The following FBXO10 variants were observed in gnomAD, a reference collection of about 807,000 sequenced individuals.
The protein encoded by FBXO10 is F-box protein 10.
FBXO10 carries 39 observed loss-of-function variants against 80.7 expected under a neutral mutation model. That is an observed-to-expected ratio of 0.48 (90% CI 0.37 to 0.63). FBXO10 has a LOEUF of 0.63. Ranked by LOEUF, FBXO10 falls within the 30% of genes least tolerant of loss-of-function variation. FBXO10 has a pLI of 0.00. For missense variants in FBXO10, 1,025 were observed against 1,269.0 expected (o/e 0.81, Z 2.92); for synonymous variants, 449 against 489.6 (o/e 0.92, Z 1.09).
chr9:37,574,302 G>C (rs1378457040), intron 1 of FBXO10, among the ~76,000 whole-genome samples: 1 of 152,204 alleles, frequency 6.6e-6, no homozygotes, highest in Non-Finnish European at 1.5e-5. Context: ...GGAAGGAAGG[G>C]ATAGTGTAAC....
chr9:37,571,608 T>G (rs1822757450), intron 1 of FBXO10, among the ~76,000 whole-genome samples: 1 of 151,208 alleles, frequency 6.6e-6, no homozygotes, highest in African/African-American at 2.4e-5. Context: ...CTCCTCTTCC[T>G]GAGGGCTTCT....
rs941494624 is a variant in FBXO10 at position 37,518,174 on chromosome 9, A to G, written c.2465T>C (p.Ile822Thr). The G allele has an allele frequency of 3.8e-5, 61 of 1,613,922 alleles. No homozygotes were observed. The highest frequency in any genetic ancestry group is 1.6e-4 in the Middle Eastern group (1 of 6,084). Residue 822 changes from isoleucine (I) to threonine (T), a missense_variant, in exon 9 of 11, where the codon ATT becomes ACT. By Grantham distance (89) the Ile-to-Thr change is moderately conservative. This residue lies in a region of FBXO10 where 478 missense variants were observed against 667.8 expected (regional missense o/e 0.72). Transcript: ENST00000432825. ...DSTIVIENDIIGNRGSGLQLL... is the reference protein window; with the variant it reads ...DSTIVIENDITGNRGSGLQLL... ...CTGCAGCCCGCTGCCCCGGTTGCCA[A>G]TGATATCGTTTTCAATGACGATGGT...
At chr9:37,516,404 C>A (rs959411705) in intron 9 of FBXO10, among the ~76,000 whole-genome samples, 2 of 152,200 alleles carry the variant, frequency 1.3e-5, no homozygotes, top group Non-Finnish European at 1.5e-5. Flanking sequence ...GGCAACCCAA[C>A]TGAGACGAAA....
chr9:37,545,923 G>A (rs139633087), intron 1 of FBXO10, among the ~76,000 whole-genome samples: 3,887 of 152,208 alleles, frequency 0.026, 70 homozygotes, highest in Middle Eastern at 0.071. Flanking sequence ...GAGGTGGGTG[G>A]ATCACTTGAA....
intron 3 of FBXO10, among the ~76,000 whole-genome samples, chr9:37,534,716 G>A (rs1006254917): frequency 1.1e-4 from 17 of 152,172 alleles, no homozygotes; most frequent in Non-Finnish European, 1.8e-4. Flanking sequence ...CCCTCCTGAC[G>A]CAGGCTGGGG....
chr9:37,531,634 C>A (rs1193448440), intron 4 of FBXO10, among the ~76,000 whole-genome samples: 4 of 152,166 alleles, frequency 2.6e-5, no homozygotes, highest in Non-Finnish European at 5.9e-5. Context: ...TCAAAGCCAA[C>A]CACAGCATAT....
At position 37,518,386 on chromosome 9, in the gene FBXO10, C is replaced by T; in HGVS notation, c.2253G>A (p.Val751=). The T allele has an allele frequency of 3.7e-6, 6 of 1,613,440 alleles. No homozygotes were observed. Among genetic ancestry groups the T allele is most frequent in the Non-Finnish European group, 5.1e-6 (6 of 1,179,518 alleles). The part of the protein sequence containing the change: ...SSEALHVITN[V]IHANGDRGIT... ...TGCCTCTGTCCCCATTCGCGTGGAT[C>T]ACATTGGTGATGACATGCAGTGCCT... The change falls in exon 9 of 11, where the codon GTG becomes GTA. Residue 751 remains valine, a synonymous_variant. Coordinates refer to ENST00000432825, the MANE Select transcript of FBXO10 (RefSeq NM_012166.3).
intron 3 of FBXO10, among the ~76,000 whole-genome samples, chr9:37,535,053 C>T (rs970784551): frequency 3.9e-5 from 6 of 152,178 alleles, no homozygotes; most frequent in African/African-American, 9.7e-5. Context: ...CAGCGGAGAT[C>T]GCCTCTGAGC....
At chr9:37,559,094 C>T (rs961540989) in intron 1 of FBXO10, among the ~76,000 whole-genome samples, 1 of 152,190 alleles carries the variant, frequency 6.6e-6, no homozygotes, top group Non-Finnish European at 1.5e-5. Flanking sequence ...CAGGCATGAG[C>T]CACCGCGCCT....
intron 2 of FBXO10, among the ~76,000 whole-genome samples, chr9:37,540,617 T>G (rs1391136546): frequency 6.6e-6 from 1 of 152,222 alleles, no homozygotes; most frequent in Admixed American, 6.5e-5. Context: ...CTGCTTTACT[T>G]TGAACCATCT....
intron 1 of FBXO10, among the ~76,000 whole-genome samples, chr9:37,542,402 C>A (rs915678152): frequency 6.6e-6 from 1 of 151,486 alleles, no homozygotes. Context: ...TCAAGACCAG[C>A]CTGACCAACA....
At chr9:37,522,605 CCTT>C in intron 7 of FBXO10, 1 of 1,307,648 alleles carries the variant, frequency 7.6e-7, no homozygotes, top group Non-Finnish European at 1.0e-6. Context: ...GGGGATAAAG[CCTT>C]CTGCTTTGCT....
chr9:37,520,318 T>A (rs1821304475), intron 8 of FBXO10, among the ~76,000 whole-genome samples: 1 of 149,090 alleles, frequency 6.7e-6, no homozygotes, highest in Admixed American at 6.7e-5. Flanking sequence ...ACCATCTTTT[T>A]TTTTTTTTTT....
At chr9:37,512,979 A>C (rs1167878537) in intron 10 of FBXO10, among the ~76,000 whole-genome samples, 1 of 152,112 alleles carries the variant, frequency 6.6e-6, no homozygotes, top group Non-Finnish European at 1.5e-5. Context: ...GTAGGCCTCA[A>C]TTTTCCCGCT....
chr9:37,562,090 G>A (rs1190510517), intron 1 of FBXO10, among the ~76,000 whole-genome samples: 1 of 152,226 alleles, frequency 6.6e-6, no homozygotes, highest in Non-Finnish European at 1.5e-5. Context: ...CTGGAAGGAA[G>A]GCTGCTGCTT....
chr9:37,551,317 G>A (rs992493403), intron 1 of FBXO10, among the ~76,000 whole-genome samples: 2 of 152,212 alleles, frequency 1.3e-5, no homozygotes, highest in Admixed American at 1.3e-4. Flanking sequence ...GCTTTCCCAG[G>A]CTGGTGCTGT....
chr9:37,558,957 C>T (rs1277052107), intron 1 of FBXO10, among the ~76,000 whole-genome samples: 1 of 152,020 alleles, frequency 6.6e-6, no homozygotes, highest in Non-Finnish European at 1.5e-5. Flanking sequence ...ATTACAGACG[C>T]GCACCACCAC....
At chr9:37,555,003 C>A (rs985926802) in intron 1 of FBXO10, among the ~76,000 whole-genome samples, 1 of 152,140 alleles carries the variant, frequency 6.6e-6, no homozygotes, top group African/African-American at 2.4e-5. Flanking sequence ...TACTATTTTA[C>A]ACGCCTACCA....
Position 37,537,743 on chromosome 9 carries a change from T to TG in FBXO10, c.785dup (p.Ser263IlefsTer4). The TG allele has an allele frequency of 6.2e-7, 1 of 1,614,034 alleles. No homozygotes were observed. The highest frequency in any genetic ancestry group is 8.5e-7 in the Non-Finnish European group (1 of 1,179,892). Reference sequence around the variant, plus strand: ...TGTAGGCCCAGTTCTTATCTGCAGATGGGTGACCCTCAACAGTCACAGAGT... The same window carrying TG: ...TGTAGGCCCAGTTCTTATCTGCAGATGGGGTGACCCTCAACAGTCACAGAGT... On this transcript the variant is annotated frameshift_variant, in exon 3 of 11. Coordinates refer to ENST00000432825, the MANE Select transcript of FBXO10 (RefSeq NM_012166.3). LOFTEE classifies it high-confidence loss of function.
Sources: gnomAD v4.1 joint callset for allele counts (sites outside exome capture counted in the v4.1 genomes callset) on GRCh38, gnomAD v4.1.1 for gene constraint, gnomAD v4.1.1 regional missense constraint, MANE v1.5 for transcripts, NCBI Gene and HGNC (gene_info 2026-07-23, HGNC 2026-07-21) for gene names.